The following AGBL3 variants were observed in gnomAD, a reference collection of about 807,000 sequenced individuals.
AGBL3 encodes AGBL carboxypeptidase 3.
AGBL3 carries 68 observed loss-of-function variants against 94.5 expected under a neutral mutation model. That is an observed-to-expected ratio of 0.72 (90% CI 0.59 to 0.88). The LOEUF (loss-of-function observed/expected upper bound fraction) is 0.88, where lower values mean the gene tolerates loss of function less well. Ranked by LOEUF, AGBL3 falls within the 40% of genes least tolerant of loss-of-function variation. The pLI, the probability that AGBL3 is intolerant of heterozygous loss-of-function variation, is 0.00. For synonymous variants in AGBL3, 354 were observed against 370.7 expected, an observed-to-expected ratio of 0.95 and a Z score of 0.52; for missense variants, 934 against 1,103.8, an observed-to-expected ratio of 0.85 and a Z score of 2.18.
At chr7:135,060,562 A>T (rs1818739988) in intron 12 of AGBL3, among the ~76,000 whole-genome samples, 1 of 151,294 alleles carries the variant, frequency 6.6e-6, no homozygotes, top group Non-Finnish European at 1.5e-5. Flanking sequence ...ATACCCCTTC[A>T]CTCCTGCAGT....
chr7:135,043,171 G>T (rs1173201674), intron 8 of AGBL3, among the ~76,000 whole-genome samples: 1 of 152,006 alleles, frequency 6.6e-6, no homozygotes, highest in Non-Finnish European at 1.5e-5. Context: ...ACAGCATCAA[G>T]AATTAATCAA....
At chr7:134,998,916 C>T (rs1440288127) in intron 4 of AGBL3, among the ~76,000 whole-genome samples, 2 of 152,136 alleles carry the variant, frequency 1.3e-5, no homozygotes, top group Non-Finnish European at 2.9e-5. Context: ...TCCAGATCCA[C>T]CATAAAAGAA....
chr7:134,987,923 C>G lies in AGBL3; in HGVS notation c.-11C>G. The G allele has an allele frequency of 6.5e-7, 1 of 1,544,380 alleles. No homozygotes were observed. The highest frequency in any genetic ancestry group is 8.7e-7 in the Non-Finnish European group (1 of 1,143,490). Reference sequence around the variant, plus strand: ...ATATTACAAGAAATCTCAAGTCAAACACTGGAAAAGATGTCAGAAGATTCA... The same window carrying G: ...ATATTACAAGAAATCTCAAGTCAAAGACTGGAAAAGATGTCAGAAGATTCA... On this transcript the variant is annotated 5_prime_UTR_variant, in exon 2 of 17. Transcript: ENST00000436302.
intron 12 of AGBL3, among the ~76,000 whole-genome samples, chr7:135,067,575 G>A (rs1819462690): frequency 6.6e-6 from 1 of 152,226 alleles, no homozygotes; most frequent in African/African-American, 2.4e-5. Flanking sequence ...AGCATTTGCT[G>A]TTCACCAATA....
In AGBL3 at chr7:135,134,988, A is replaced by G. The variant is rs766890067; in HGVS notation, c.2490A>G (p.Leu830=). 9 of 1,551,136 alleles carry G rather than the reference A, an allele frequency of 5.8e-6. No homozygotes were observed. In the Admixed American group the frequency reaches 1.2e-4, roughly 20 times the overall value. ...QSKPHRSLES[L]SPLKGPKKNK... ...AGCCCCACAGGTCATTGGAAAGTTT[A>G]TCACCTCTCAAAGGCCCCAAGAAGA... The change falls in exon 17 of 17, where the codon TTA becomes TTG. Residue 830 remains leucine, a synonymous_variant. Transcript: ENST00000436302.
chr7:135,052,759 T>A (rs1243507816), intron 11 of AGBL3, among the ~76,000 whole-genome samples: 1 of 152,164 alleles, frequency 6.6e-6, no homozygotes, highest in African/African-American at 2.4e-5. Context: ...TGTAAGTAAA[T>A]CCTCTATAAC....
At chr7:135,052,041 C>T (rs1398288091) in intron 11 of AGBL3, among the ~76,000 whole-genome samples, 2 of 151,930 alleles carry the variant, frequency 1.3e-5, no homozygotes, top group South Asian at 2.1e-4. Flanking sequence ...TACATAAGAA[C>T]ATCAAAACCA....
intron 12 of AGBL3, among the ~76,000 whole-genome samples, chr7:135,061,890 T>C (rs7809356): frequency 0.012 from 1,764 of 152,228 alleles, 30 homozygotes; most frequent in African/African-American, 0.04. Context: ...ATATGAATTA[T>C]AGAATTTGTT....
intron 7 of AGBL3, among the ~76,000 whole-genome samples, chr7:135,035,512 T>C (rs1480612646): frequency 6.6e-6 from 1 of 152,040 alleles, no homozygotes; most frequent in Non-Finnish European, 1.5e-5. Context: ...AGATTAAGTA[T>C]ATTTAAAGCA....
At chr7:135,106,119 C>A (rs926335406) in intron 15 of AGBL3, among the ~76,000 whole-genome samples, 74 of 152,136 alleles carry the variant, frequency 4.9e-4, no homozygotes, top group African/African-American at 1.7e-3. Context: ...TGTTTGTCAG[C>A]TGAAGGAGCT....
intron 16 of AGBL3, among the ~76,000 whole-genome samples, chr7:135,124,590 T>C (rs1827597607): frequency 6.6e-6 from 1 of 152,238 alleles, no homozygotes; most frequent in Admixed American, 6.5e-5. Context: ...ATCAACAGAA[T>C]ATACGTTCTT....
chr7:135,087,813 C>A (rs1821446891), intron 15 of AGBL3, among the ~76,000 whole-genome samples: 1 of 151,940 alleles, frequency 6.6e-6, no homozygotes, highest in Non-Finnish European at 1.5e-5. Flanking sequence ...ATGAAATGTT[C>A]TTAAATGTTT....
chr7:135,003,210 G>A (rs1584788407), intron 4 of AGBL3, among the ~76,000 whole-genome samples: 1 of 152,154 alleles, frequency 6.6e-6, no homozygotes, highest in East Asian at 1.9e-4. Context: ...ATTATTAAAT[G>A]CCTGGTGAGT....
chr7:135,007,908 A>C lies in AGBL3; in HGVS notation c.311-9144A>C, dbSNP rs117820938. 7.4e-3 allele frequency among the ~76,000 whole-genome samples: 1,128 copies of C among 152,192 alleles called. 48 individuals are homozygous for C. The South Asian group carries it at 0.12, about 17-fold the overall frequency. On this transcript the variant is annotated intron_variant, in intron 4 of 16. Coordinates refer to ENST00000436302, the MANE Select transcript of AGBL3 (RefSeq NM_178563.4). ...AACTTATGAAAACTATTCAATTTGC[A>C]AAAGAATAAAATATGAATACATTTA...
At chr7:135,090,454 C>T (rs1023388228) in intron 15 of AGBL3, among the ~76,000 whole-genome samples, 27 of 152,246 alleles carry the variant, frequency 1.8e-4, no homozygotes, top group African/African-American at 5.8e-4. Context: ...CAGGGTACTA[C>T]GTCAGCTCAG....
chr7:135,093,693 T>C (rs1284573861), intron 15 of AGBL3: 1 of 152,200 alleles, frequency 6.6e-6, no homozygotes, highest in Non-Finnish European at 1.5e-5. Context: ...CTCAAATTGA[T>C]AGATTCAGTG....
intron 12 of AGBL3, among the ~76,000 whole-genome samples, chr7:135,075,962 A>G (rs1286629444): frequency 6.6e-6 from 1 of 152,166 alleles, no homozygotes; most frequent in African/African-American, 2.4e-5. Flanking sequence ...AATCACAGTC[A>G]TTTCTGTGGT....
intron 15 of AGBL3, among the ~76,000 whole-genome samples, chr7:135,109,055 A>G (rs923765647): frequency 3.3e-5 from 5 of 151,964 alleles, no homozygotes; most frequent in Non-Finnish European, 7.4e-5. Flanking sequence ...GTTCTTTTTT[A>G]TACTGCCTAT....
chr7:135,026,723 GA>G (rs1263913754), intron 5 of AGBL3, among the ~76,000 whole-genome samples: 2 of 151,572 alleles, frequency 1.3e-5, no homozygotes, highest in Non-Finnish European at 2.9e-5. Context: ...ATCTTTTTAT[GA>G]AATTATATTT....
Sources: allele counts gnomAD v4.1 joint callset (sites outside exome capture counted in the v4.1 genomes callset), GRCh38; gene constraint gnomAD v4.1.1; transcripts MANE v1.5; gene names NCBI Gene and HGNC (gene_info 2026-07-23, HGNC 2026-07-21).